Variants in PRIM2 observed in about 807,000 individuals in gnomAD.
PRIM2 encodes the protein DNA primase subunit 2, also known as DNA primase large subunit.
Under a neutral mutation model 67.3 loss-of-function variants are expected in PRIM2, and 39 were observed. The ratio of observed to expected loss-of-function variants is 0.58; its 90% CI spans 0.45 to 0.76. The LOEUF (loss-of-function observed/expected upper bound fraction) is 0.76. Ranked by LOEUF, PRIM2 falls within the 30% of genes least tolerant of loss-of-function variation. The probability of loss-of-function intolerance (pLI) is 0.00; values close to 1 mark genes in which losing one functional copy is unlikely to be tolerated. For missense variants in PRIM2, 398 were observed against 598.7 expected (o/e 0.66, Z 3.50); for synonymous variants, 143 against 198.7 (o/e 0.72, Z 2.36).
chr6:57,579,874 A>G (rs1245193910), intron 10 of PRIM2, among the ~76,000 whole-genome samples: 1 of 152,110 alleles, frequency 6.6e-6, no homozygotes, highest in Admixed American at 6.5e-5. Flanking sequence ...AAAATGCAGT[A>G]CAAGGAGAAA....
At chr6:57,645,758 G>T (rs1777323741) in intron 13 of PRIM2, among the ~76,000 whole-genome samples, 170 bp from the exon 14 acceptor site, 1 of 152,028 alleles carries the variant, frequency 6.6e-6, no homozygotes. Flanking sequence ...AGTGGTTGAA[G>T]CTCTCTTTGA....
the PRIM2 span, among the ~76,000 whole-genome samples, chr6:57,288,212 G>A: frequency 6.6e-6 from 1 of 152,198 alleles, no homozygotes; most frequent in Non-Finnish European, 1.5e-5. Flanking sequence ...ACTGCAGCTT[G>A]GCGTGGGGAG....
chr6:57,535,271 A>AT (rs1172808538), intron 9 of PRIM2, among the ~76,000 whole-genome samples: 37 of 152,158 alleles, frequency 2.4e-4, no homozygotes, highest in Non-Finnish European at 4.7e-4. Context: ...GCTACAGAGC[A>AT]TGACTGCGTG....
intron 7 of PRIM2, among the ~76,000 whole-genome samples, chr6:57,419,659 G>A (rs1486232376): frequency 9.2e-5 from 14 of 152,276 alleles, no homozygotes; most frequent in African/African-American, 3.4e-4. Context: ...GTATGATTTT[G>A]TATGAATTTA....
At chr6:57,541,323 A>G (rs1310204546) in intron 10 of PRIM2, among the ~76,000 whole-genome samples, 342 of 152,282 alleles carry the variant, frequency 2.2e-3, no homozygotes, top group African/African-American at 8.0e-3. Flanking sequence ...TCCTGACCTC[A>G]GGTGATCTTC....
intron 7 of PRIM2, among the ~76,000 whole-genome samples, chr6:57,418,899 G>A (rs1771371142): frequency 6.6e-6 from 1 of 151,900 alleles, no homozygotes; most frequent in South Asian, 2.1e-4. Flanking sequence ...GTGTAAAAGG[G>A]GTGAGGCTGA....
intron 10 of PRIM2, among the ~76,000 whole-genome samples, chr6:57,570,604 T>TA (rs1216413094): frequency 1.3e-5 from 2 of 152,134 alleles, no homozygotes; most frequent in South Asian, 4.1e-4. Context: ...GGGATTCTAA[T>TA]AAAAAAGTAT....
At chr6:57,614,864 A>ATATATATATATG (rs1164957758) in intron 12 of PRIM2, among the ~76,000 whole-genome samples, 2 of 150,752 alleles carry the variant, frequency 1.3e-5, no homozygotes, top group Admixed American at 1.3e-4. Context: ...ATATATATAT[A>ATATATATATATG]TGTATGTGTG....
At chr6:57,240,103 T>TG in the PRIM2 span, among the ~76,000 whole-genome samples, 1 of 97,206 alleles carries the variant, frequency 1.0e-5, no homozygotes, top group African/African-American at 4.2e-5. Flanking sequence ...TTTTTTTTTT[T>TG]TTTTTTTTTT....
chr6:57,335,087 A>C (rs1768182765), intron 5 of PRIM2, among the ~76,000 whole-genome samples: 1 of 152,214 alleles, frequency 6.6e-6, no homozygotes, highest in African/African-American at 2.4e-5. Flanking sequence ...TCCTAGTCAA[A>C]GAAAGGGGTG....
intron 8 of PRIM2, among the ~76,000 whole-genome samples, chr6:57,527,469 G>A (rs1472789913): frequency 5.3e-5 from 8 of 151,924 alleles, no homozygotes; most frequent in South Asian, 2.1e-4. Flanking sequence ...TTTCTCCATC[G>A]TTACCACTAC....
Position 57,353,253 on chromosome 6 carries a change from C to A in PRIM2, c.460-26648C>A, listed in dbSNP as rs542206678. 7.3e-3 allele frequency among the ~76,000 whole-genome samples: 1,104 copies of A among 151,844 alleles called. 13 individuals carry two copies. The highest frequency in any genetic ancestry group is 0.025 in the African/African-American group (1,050 of 41,388). Reference sequence around the variant, plus strand: ...CTGTAAATTATATTTACAATATCACCACTTGAGTAAGTACTTAAAGAGACA... The same window carrying A: ...CTGTAAATTATATTTACAATATCACAACTTGAGTAAGTACTTAAAGAGACA... On this transcript the variant is annotated intron_variant, in intron 5 of 13. Coordinates refer to ENST00000615550, the MANE Select transcript of PRIM2 (RefSeq NM_000947.5).
chr6:57,253,676 A>C, the PRIM2 span, among the ~76,000 whole-genome samples: 1 of 152,192 alleles, frequency 6.6e-6, no homozygotes, highest in African/African-American at 2.4e-5. Flanking sequence ...AAATATTGAT[A>C]TAATTATTAA....
chr6:57,328,811 T>A (rs373073237), intron 5 of PRIM2, among the ~76,000 whole-genome samples: 69 of 152,316 alleles, frequency 4.5e-4, no homozygotes, highest in African/African-American at 1.7e-3. Context: ...TTTCTCCATA[T>A]CCTCACCAAA....
In PRIM2 at chr6:57,625,075, G is replaced by A. The variant is rs1484186868; in HGVS notation, c.1231-7058G>A. Among the ~76,000 whole-genome samples, 164 of 152,278 alleles carry A rather than the reference G, an allele frequency of 1.1e-3. 1 individual carries two copies. The highest frequency in any genetic ancestry group is 8.3e-3 in the South Asian group (40 of 4,828). On this transcript the variant is annotated intron_variant, in intron 12 of 13. Coordinates refer to ENST00000615550, the MANE Select transcript of PRIM2 (RefSeq NM_000947.5). ...CACATGATTCAATTATCTCCCACCA[G>A]GTCCCTCCCATGACACGTGGGAATT...
At chr6:57,383,196 G>T (rs1770020080) in intron 7 of PRIM2, 1 of 152,038 alleles carries the variant, frequency 6.6e-6, no homozygotes, top group African/African-American at 2.4e-5. Context: ...GCTAAGAATA[G>T]TGTCTTTCAC....
the PRIM2 span, among the ~76,000 whole-genome samples, chr6:57,277,241 T>C: frequency 6.6e-6 from 1 of 152,120 alleles, no homozygotes; most frequent in African/African-American, 2.4e-5. Flanking sequence ...ATTCCTTCAA[T>C]GTATATTTAT....
At chr6:57,642,433 A>ATTTTT (rs1777256008) in intron 13 of PRIM2, among the ~76,000 whole-genome samples, 7 of 107,050 alleles carry the variant, frequency 6.5e-5, no homozygotes, top group Non-Finnish European at 1.1e-4. Context: ...TAAATATTAT[A>ATTTTT]TCTTTTTTTT....
intron 10 of PRIM2, among the ~76,000 whole-genome samples, chr6:57,552,075 G>A (rs1775416089): frequency 6.6e-6 from 1 of 152,106 alleles, no homozygotes; most frequent in Non-Finnish European, 1.5e-5. Flanking sequence ...GGAGGTTTGA[G>A]CTGTAATGCA....
Sources: gnomAD v4.1 joint callset for allele counts (sites outside exome capture counted in the v4.1 genomes callset) on GRCh38, gnomAD v4.1.1 for gene constraint, MANE v1.5 for transcripts, NCBI Gene and HGNC (gene_info 2026-07-23, HGNC 2026-07-21) for gene names.